PHIP: variants seen among roughly 807,000 people sequenced by gnomAD.
PHIP encodes the protein PHIP subunit of CUL4-Ring ligase complex, also known as PH-interacting protein.
A neutral mutation model predicts 236.8 loss-of-function variants in PHIP; 54 were observed. The observed-to-expected ratio is 0.23, with a 90% confidence interval of 0.18 to 0.29. The LOEUF (loss-of-function observed/expected upper bound fraction) is 0.29, where lower values mean the gene tolerates loss of function less well. Among genes scored for constraint, PHIP ranks in the 10% least tolerant of loss-of-function variants. The pLI, the probability that PHIP is intolerant of heterozygous loss-of-function variation, is 1.00. For missense variants in PHIP, 1,370 were observed against 2,190.8 expected (o/e 0.63, Z 7.48); for synonymous variants, 756 against 718.9 (o/e 1.05, Z -0.83).
intron 6 of PHIP, among the ~76,000 whole-genome samples, chr6:79,058,188 T>C (rs1034316269): frequency 3.3e-5 from 5 of 152,098 alleles, no homozygotes; most frequent in Non-Finnish European, 7.4e-5. Flanking sequence ...AATCACCTGC[T>C]TGGCAATTAA....
chr6:78,973,333 A>AT (rs1423485731), intron 24 of PHIP, among the ~76,000 whole-genome samples: 2 of 150,822 alleles, frequency 1.3e-5, no homozygotes, highest in African/African-American at 4.9e-5. Flanking sequence ...ATGCTGAGAG[A>AT]TTTTGTCACC....
intron 4 of PHIP, among the ~76,000 whole-genome samples, chr6:79,072,870 C>G (rs1216252084): frequency 1.3e-5 from 2 of 152,090 alleles, no homozygotes; most frequent in Non-Finnish European, 2.9e-5. Flanking sequence ...TTAAAGAAAA[C>G]TTTATTATAA....
intron 6 of PHIP, among the ~76,000 whole-genome samples, chr6:79,059,626 A>ATATATAT (rs1562216785): frequency 0.01 from 438 of 42,940 alleles, 2 homozygotes; most frequent in South Asian, 0.029. Flanking sequence ...TATATATATA[A>ATATATAT]AAATGCCAAA....
Position 78,970,824 on chromosome 6 carries a change from C to A in PHIP, c.2954G>T (p.Ser985Ile). The A allele has an allele frequency of 1.2e-6, 2 of 1,611,682 alleles. No individual in the cohort carries two copies. The highest frequency in any genetic ancestry group is 1.7e-6 in the Non-Finnish European group (2 of 1,178,948). Residue 985 changes from serine (S) to isoleucine (I), a missense_variant, in exon 25 of 40, where the codon AGT (serine) becomes ATT (isoleucine). By Grantham distance (142) the Ser-to-Ile change is moderately radical. This residue lies in a region of PHIP where 238 missense variants were observed against 398.5 expected (regional missense o/e 0.60). Coordinates refer to ENST00000275034, the MANE Select transcript of PHIP (RefSeq NM_017934.7). ...VEMARKNKIYSINPKKQPWHK... is the reference protein window; with the variant it reads ...VEMARKNKIYIINPKKQPWHK... ...CCATGGTTGTTTTTTGGGATTGATACTATATATTTTATTTTTCCGGGCCAT... is the reference window on the plus strand; with the variant it reads ...CCATGGTTGTTTTTTGGGATTGATAATATATATTTTATTTTTCCGGGCCAT...
At chr6:79,022,877 T>C (rs537138374) in intron 9 of PHIP, among the ~76,000 whole-genome samples, 1 of 152,326 alleles carries the variant, frequency 6.6e-6, no homozygotes, top group South Asian at 2.1e-4. Context: ...GCAGGATTTC[T>C]AAAGTCATTT....
chr6:78,969,801 T>G, intron 27 of PHIP, 34 bp downstream of exon 27: 1 of 1,032,044 alleles, frequency 9.7e-7, no homozygotes, highest in Non-Finnish European at 1.4e-6. Flanking sequence ...AAAAACCACA[T>G]CAAACATCGA....
At chr6:78,950,343 C>A (rs1774072071) in intron 35 of PHIP, among the ~76,000 whole-genome samples, 1 of 152,106 alleles carries the variant, frequency 6.6e-6, no homozygotes, top group Admixed American at 6.5e-5. Flanking sequence ...GTTTTGAGAT[C>A]AGGGGAACAC....
chr6:78,971,874 T>C (rs1333836045), intron 24 of PHIP, among the ~76,000 whole-genome samples: 2 of 152,028 alleles, frequency 1.3e-5, no homozygotes. Context: ...GCTCGGAGGG[T>C]CCTACCCCAC....
In PHIP at chr6:78,940,663, A is replaced by G; in HGVS notation, c.*30T>C. On this transcript the variant is annotated 3_prime_UTR_variant, in exon 40 of 40. Transcript: ENST00000275034. ...TATTCCTTAACTGTACCTGCTTTAT[A>G]GATTTTGAAGTAAAATATTTTGGTA... 2.8e-6 allele frequency: 4 copies of G among 1,421,490 alleles called. No individual in the cohort carries two copies. Among genetic ancestry groups the G allele is most frequent in the Non-Finnish European group, 3.8e-6 (4 of 1,052,292 alleles). The allele number at this position is 1,421,490 out of a possible 1,614,324, so 88.1% of individuals were successfully genotyped here.
chr6:78,960,413 G>A (rs1412900815), intron 31 of PHIP, among the ~76,000 whole-genome samples: 1 of 151,418 alleles, frequency 6.6e-6, no homozygotes, highest in African/African-American at 2.4e-5. Flanking sequence ...AGCAATTTAA[G>A]GGGTCAAGGG....
intron 19 of PHIP, among the ~76,000 whole-genome samples, chr6:78,991,852 A>C (rs557713830): frequency 6.7e-6 from 1 of 148,634 alleles, no homozygotes; most frequent in Non-Finnish European, 1.5e-5. Context: ...TTTTGTTCTT[A>C]ATTTTTTTTT....
chr6:78,939,626 C>A lies in PHIP; in HGVS notation c.*1067G>T, dbSNP rs1420491469. On this transcript the variant is annotated 3_prime_UTR_variant, in exon 40 of 40. Transcript: ENST00000275034. ...AATTATACCCATTTATCAATATATA[C>A]ACATACACACACAGACACGTTTCTT... 1 of 151,828 alleles carries A rather than the reference C, an allele frequency of 6.6e-6. No individual in the cohort carries two copies. The highest frequency in any genetic ancestry group is 1.5e-5 in the Non-Finnish European group (1 of 67,800). 9.4% of individuals were successfully genotyped at this position (151,828 alleles called of 1,614,324 possible). A position where few individuals can be genotyped will look rare whatever the true frequency, so the allele number is the denominator to read the frequency against.
Position 78,940,987 on chromosome 6 carries a change from T to A in PHIP, c.5172A>T (p.Lys1724Asn), listed in dbSNP as rs549020329. The change falls in exon 40 of 40, where the codon AAA becomes AAT. Residue 1724 changes from lysine (K) to asparagine (N), a missense_variant. By Grantham distance (94) the Lys-to-Asn change is moderately conservative (BLOSUM62 0). This residue lies in a region of PHIP where 309 missense variants were observed against 328.3 expected (regional missense o/e 0.94). Coordinates refer to ENST00000275034, the MANE Select transcript of PHIP (RefSeq NM_017934.7). ...CAGGGACTAGGAGATCTGCATCTAA[T>A]TTTTGTGTCTTCATCTTCCTTTTGG... The part of the protein sequence containing the change: ...RKPKRKMKTQ[K>N]LDADLLVPAS... 2.5e-6 allele frequency: 4 copies of A among 1,613,904 alleles called. No individual in the cohort carries two copies. The Admixed American group carries it at 6.7e-5, about 27-fold the overall frequency.
intron 15 of PHIP, among the ~76,000 whole-genome samples, chr6:79,012,859 A>C (rs901475842): frequency 2.6e-5 from 4 of 151,766 alleles, no homozygotes; most frequent in Non-Finnish European, 4.4e-5. Flanking sequence ...CAATTAGATA[A>C]CTCATAAAAG....
At chr6:79,023,240 G>A (rs951365769) in intron 9 of PHIP, among the ~76,000 whole-genome samples, 3 of 152,136 alleles carry the variant, frequency 2.0e-5, no homozygotes, top group African/African-American at 7.2e-5. Context: ...CACCATGTCT[G>A]GCGTTTGTTG....
At position 78,958,438 on chromosome 6, in the gene PHIP, T is replaced by G. The variant is rs748058998; in HGVS notation, c.3782+37A>C. 2.4e-6 allele frequency: 3 copies of G among 1,231,284 alleles called. No individual in the cohort carries two copies. In the South Asian group the frequency reaches 3.7e-5, roughly 15 times the overall value. 76.3% of individuals were successfully genotyped at this position (1,231,284 alleles called of 1,614,324 possible). A position where few individuals can be genotyped will look rare whatever the true frequency, so the allele number is the denominator to read the frequency against. ...GAGGAACTGTAGTGCCATTAATTAT[T>G]AAAACTATCATAATTACATATGAAA... is the stretch of plus-strand genomic sequence containing the variant. On this transcript the variant is annotated intron_variant, in intron 32 of 39. Coordinates refer to ENST00000275034, the MANE Select transcript of PHIP (RefSeq NM_017934.7).
chr6:79,070,027 T>C (rs1049094453), intron 4 of PHIP, among the ~76,000 whole-genome samples: 2 of 152,116 alleles, frequency 1.3e-5, no homozygotes, highest in East Asian at 3.8e-4. Flanking sequence ...CCAAATTTTA[T>C]TCATCATAAA....
At position 79,015,251 on chromosome 6, in the gene PHIP, T is replaced by C. The variant is rs757683414; in HGVS notation, c.1390-35A>G. 13 of 1,528,410 alleles carry C rather than the reference T, an allele frequency of 8.5e-6. No individual in the cohort carries two copies. In the South Asian group the frequency reaches 9.2e-5, roughly 11 times the overall value. 94.7% of individuals were successfully genotyped at this position (1,528,410 alleles called of 1,614,324 possible). Reference sequence around the variant, plus strand: ...TTTTGAAGTGTCAAAGAATCATAGATATTAAAAAAGAAAGAAAAACAAACA... The same window carrying C: ...TTTTGAAGTGTCAAAGAATCATAGACATTAAAAAAGAAAGAAAAACAAACA... On this transcript the variant is annotated intron_variant, in intron 14 of 39. Transcript: ENST00000275034.
intron 15 of PHIP, among the ~76,000 whole-genome samples, chr6:79,014,132 C>T (rs1246399352): frequency 6.6e-6 from 1 of 151,374 alleles, no homozygotes; most frequent in Non-Finnish European, 1.5e-5. Context: ...AAAGCTATTT[C>T]CCTCACTAAA....
Sources: allele counts gnomAD v4.1 joint callset (sites outside exome capture counted in the v4.1 genomes callset), GRCh38; gene constraint gnomAD v4.1.1; regional missense constraint gnomAD v4.1.1; transcripts MANE v1.5; gene names NCBI Gene and HGNC (gene_info 2026-07-23, HGNC 2026-07-21).